The following BPTF variants were observed in gnomAD, a reference collection of about 807,000 sequenced individuals.
The protein encoded by BPTF is nucleosome-remodeling factor subunit BPTF.
BPTF carries 18 observed loss-of-function variants against 292.5 expected under a neutral mutation model. The observed-to-expected ratio is 0.06, with a 90% CI of 0.04 to 0.09. The LOEUF (loss-of-function observed/expected upper bound fraction) is 0.09, where lower values mean the gene tolerates loss of function less well. Among genes scored for constraint, BPTF ranks in the 10% least tolerant of loss-of-function variants. BPTF has a pLI of 1.00. For missense variants in BPTF, 2,726 were observed against 3,498.7 expected (o/e 0.78, Z 5.57); for synonymous variants, 1,225 against 1,251.9 (o/e 0.98, Z 0.45).
intron 4 of BPTF, chr17:67,891,344 A>G (rs1289525707): frequency 1.3e-5 from 2 of 152,290 alleles, no homozygotes; most frequent in Non-Finnish European, 2.9e-5. Flanking sequence ...TTTTATATTG[A>G]TAAGCCTACA....
intron 2 of BPTF, among the ~76,000 whole-genome samples, chr17:67,859,014 A>T (rs2058906859): frequency 1.3e-5 from 2 of 152,252 alleles, no homozygotes; most frequent in African/African-American, 2.4e-5. Context: ...AGTTAGTAAC[A>T]GCCAAGAGCA....
intron 13 of BPTF, among the ~76,000 whole-genome samples, chr17:67,921,723 G>A (rs1475601224): frequency 6.6e-6 from 1 of 151,884 alleles, no homozygotes; most frequent in African/African-American, 2.4e-5. Context: ...CCTAGTAGAT[G>A]ATAAATTTTA....
intron 5 of BPTF, 172 bp from the exon 6 acceptor site, chr17:67,893,198 T>C (rs1389881004): frequency 4.9e-6 from 3 of 609,232 alleles, no homozygotes; most frequent in Non-Finnish European, 8.9e-6. Context: ...TGTTTAATTG[T>C]AAACAATTAG....
intron 23 of BPTF, among the ~76,000 whole-genome samples, chr17:67,954,478 C>T (rs1311240399): frequency 6.6e-6 from 1 of 152,100 alleles, no homozygotes; most frequent in Non-Finnish European, 1.5e-5. Flanking sequence ...AACAGGGAGC[C>T]GGCTCTTATC....
chr17:67,877,875 C>T (rs1448219249), intron 4 of BPTF, among the ~76,000 whole-genome samples: 1 of 152,302 alleles, frequency 6.6e-6, no homozygotes, highest in African/African-American at 2.4e-5. Context: ...TCAAGCCATC[C>T]TCCCGCCTCT....
chr17:67,974,802 C>T (rs992217986), intron 26 of BPTF: 1 of 152,278 alleles, frequency 6.6e-6, no homozygotes, highest in African/African-American at 2.4e-5. Flanking sequence ...TGACAGTTGC[C>T]TCCACATGTT....
At position 67,912,370 on chromosome 17, in the gene BPTF, A is replaced by G. The variant is rs750107058; in HGVS notation, c.4486A>G (p.Asn1496Asp). ...GCTGAGTTCTTCAGATGCTGAAGGTAACTACCGAGATAGCCTTGAGACCCT... is the reference window on the plus strand; with the variant it reads ...GCTGAGTTCTTCAGATGCTGAAGGTGACTACCGAGATAGCCTTGAGACCCT... ...HLLSSSDAEG[N>D]YRDSLETLPS... Residue 1496 changes from asparagine to aspartate, a missense_variant, in exon 11 of 28, where the codon AAC becomes GAC. Transcript: ENST00000306378. 1 of 1,614,140 alleles carries G rather than the reference A, an allele frequency of 6.2e-7. No individual in the cohort carries two copies.
chr17:67,907,787 C>T (rs1382554239), intron 9 of BPTF, among the ~76,000 whole-genome samples: 2 of 152,086 alleles, frequency 1.3e-5, no homozygotes, highest in Non-Finnish European at 2.9e-5. Flanking sequence ...TTTCCATAAC[C>T]ATCATGTCAT....
intron 3 of BPTF, among the ~76,000 whole-genome samples, chr17:67,869,110 C>T (rs979864248): frequency 7.2e-5 from 11 of 152,150 alleles, no homozygotes; most frequent in Non-Finnish European, 1.6e-4. Context: ...AGCCAGCTTA[C>T]TTCCCCCCTT....
At chr17:67,844,838 G>A (rs1161541532) in intron 1 of BPTF, among the ~76,000 whole-genome samples, 1 of 151,816 alleles carries the variant, frequency 6.6e-6, no homozygotes, top group African/African-American at 2.4e-5. Flanking sequence ...CTGCCTCCCA[G>A]GTTCAAGCAA....
At chr17:67,885,495 C>T (rs930477907) in intron 4 of BPTF, among the ~76,000 whole-genome samples, 1 of 152,140 alleles carries the variant, frequency 6.6e-6, no homozygotes, top group Non-Finnish European at 1.5e-5. Flanking sequence ...GAGGCTGAGG[C>T]GGGAGAATCT....
At chr17:67,832,639 A>G (rs73351779) in intron 1 of BPTF, among the ~76,000 whole-genome samples, 15,306 of 151,970 alleles carry the variant, frequency 0.1, 2,636 homozygotes, top group African/African-American at 0.35. Flanking sequence ...AGAGTTGTGC[A>G]ACCATTAACA....
At chr17:67,897,053 C>T (rs1407378780) in intron 7 of BPTF, among the ~76,000 whole-genome samples, 3 of 151,826 alleles carry the variant, frequency 2.0e-5, no homozygotes, top group African/African-American at 7.3e-5. Flanking sequence ...AGAGGCCGGG[C>T]ATGGTGGCTC....
chr17:67,908,171 A>G (rs1184130837), intron 9 of BPTF, among the ~76,000 whole-genome samples: 1 of 151,818 alleles, frequency 6.6e-6, no homozygotes, highest in Non-Finnish European at 1.5e-5. Flanking sequence ...TTATTTTTTT[A>G]TGTGTGTGAC....
chr17:67,830,901 C>T (rs1282638852), intron 1 of BPTF, among the ~76,000 whole-genome samples: 1 of 152,194 alleles, frequency 6.6e-6, no homozygotes, highest in Admixed American at 6.5e-5. Context: ...GTATTCCCAG[C>T]AGCACCATGC....
At chr17:67,939,908 T>C (rs1242252121) in intron 18 of BPTF, among the ~76,000 whole-genome samples, 1 of 152,200 alleles carries the variant, frequency 6.6e-6, no homozygotes, top group Non-Finnish European at 1.5e-5. Context: ...ATTTGAGCAC[T>C]CTGCCCTAGT....
chr17:67,903,121 T>G (rs1207203991), intron 7 of BPTF, among the ~76,000 whole-genome samples: 1 of 152,246 alleles, frequency 6.6e-6, no homozygotes, highest in African/African-American at 2.4e-5. Context: ...CTTCCTCTCT[T>G]TCTCGAAAGA....
chr17:67,886,379 G>T (rs960595406), intron 4 of BPTF: 46 of 1,134,808 alleles, frequency 4.1e-5, no homozygotes, highest in Non-Finnish European at 5.3e-5. Flanking sequence ...TTTTTTTTGT[G>T]TGTGTGTGTG....
chr17:67,939,892 A>G (rs1283848628), intron 18 of BPTF, among the ~76,000 whole-genome samples: 1 of 152,184 alleles, frequency 6.6e-6, no homozygotes, highest in African/African-American at 2.4e-5. Context: ...AAAAAAGAAA[A>G]GCATTATTTG....
Sources: allele counts gnomAD v4.1 joint callset (sites outside exome capture counted in the v4.1 genomes callset), GRCh38; gene constraint gnomAD v4.1.1; transcripts MANE v1.5; gene names NCBI Gene and HGNC (gene_info 2026-07-23, HGNC 2026-07-21).